The following EHBP1 variants were observed in gnomAD, a reference collection of about 807,000 sequenced individuals.
The protein encoded by EHBP1 is EH domain binding protein 1.
Under a neutral mutation model 144.0 loss-of-function variants are expected in EHBP1, and 55 were observed. The observed-to-expected ratio is 0.38, with a 90% CI of 0.31 to 0.48. The LOEUF is 0.48. Ranked by LOEUF, EHBP1 falls within the 20% of genes least tolerant of loss-of-function variation. The pLI, the probability that EHBP1 is intolerant of heterozygous loss-of-function variation, is 0.98. For synonymous variants in EHBP1, 469 were observed against 472.7 expected, an observed-to-expected ratio of 0.99 and a Z score of 0.10; for missense variants, 1,200 against 1,364.2, an observed-to-expected ratio of 0.88 and a Z score of 1.90.
intron 9 of EHBP1, among the ~76,000 whole-genome samples, chr2:62,868,364 A>T (rs1422822745): frequency 1.3e-5 from 2 of 152,020 alleles, no homozygotes; most frequent in Non-Finnish European, 2.9e-5. Flanking sequence ...GGGCAACAAC[A>T]GCAAAACTCC....
chr2:62,853,525 T>A (rs1217553629), intron 7 of EHBP1, among the ~76,000 whole-genome samples: 1 of 152,192 alleles, frequency 6.6e-6, no homozygotes, highest in African/African-American at 2.4e-5. Flanking sequence ...ACCATGAAGA[T>A]CAGAATCAGC....
rs151110223 is a variant in EHBP1 at position 62,998,245 on chromosome 2, A to C, written c.3103+1479A>C. Among the ~76,000 whole-genome samples, 290 of 152,248 alleles carry C rather than the reference A, an allele frequency of 1.9e-3. 3 individuals are homozygous for C. The highest frequency in any genetic ancestry group is 1.6e-3 in the Non-Finnish European group (109 of 68,030). The stretch of plus-strand genomic sequence containing the variant: ...ATCATTCCCCTAATAAGTTGCATGC[A>C]TGCTCAGTCTTATACCTATATACTT... On this transcript the variant is annotated intron_variant, in intron 19 of 22. Coordinates refer to ENST00000431489, the MANE Select transcript of EHBP1 (RefSeq NM_001142616.3).
At position 63,022,495 on chromosome 2, in the gene EHBP1, A is replaced by G. The variant is rs2060797406; in HGVS notation, c.3104-15040A>G. On this transcript the variant is annotated intron_variant, in intron 19 of 22. Transcript: ENST00000431489. ...ACACTCAGGTTATTTTTGTATTTTTAGTAGAGATGGGGTTTCACCATGTTG... is the reference window on the plus strand; with the variant it reads ...ACACTCAGGTTATTTTTGTATTTTTGGTAGAGATGGGGTTTCACCATGTTG... Among the ~76,000 whole-genome samples the G allele has an allele frequency of 2.6e-5, 4 of 151,816 alleles. No homozygotes were observed. The South Asian group carries it at 8.3e-4, about 32-fold the overall frequency.
At chr2:62,882,686 C>T (rs760426246) in intron 10 of EHBP1, among the ~76,000 whole-genome samples, 2 of 152,134 alleles carry the variant, frequency 1.3e-5, no homozygotes, top group Non-Finnish European at 2.9e-5. Context: ...AGTTTGAGAC[C>T]AGCCTGACCA....
At chr2:62,685,404 C>A (rs913938638) in intron 1 of EHBP1, among the ~76,000 whole-genome samples, 2 of 151,860 alleles carry the variant, frequency 1.3e-5, no homozygotes, top group Admixed American at 1.3e-4. Flanking sequence ...TGTTTCATGC[C>A]CCTCCCCCAG....
At chr2:62,995,987 C>T (rs546962912) in intron 18 of EHBP1, among the ~76,000 whole-genome samples, 1 of 151,992 alleles carries the variant, frequency 6.6e-6, no homozygotes, top group African/African-American at 2.4e-5. Context: ...AGGTTTGAAA[C>T]CACCTGTCAG....
intron 3 of EHBP1, among the ~76,000 whole-genome samples, chr2:62,754,006 A>G (rs1291224180): frequency 6.6e-6 from 1 of 152,148 alleles, no homozygotes; most frequent in East Asian, 1.9e-4. Context: ...CAATGTCATG[A>G]TCCGTCCAGG....
chr2:62,903,482 G>T (rs532495743), intron 10 of EHBP1, among the ~76,000 whole-genome samples: 2 of 152,132 alleles, frequency 1.3e-5, no homozygotes, highest in Non-Finnish European at 2.9e-5. Flanking sequence ...ACTGAGTCAG[G>T]CCAGGTGCAG....
At chr2:62,802,136 C>G (rs904332358) in intron 5 of EHBP1, among the ~76,000 whole-genome samples, 4 of 152,216 alleles carry the variant, frequency 2.6e-5, no homozygotes, top group African/African-American at 4.8e-5. Flanking sequence ...GGATCAGGTG[C>G]AACGAATTCT....
At chr2:62,806,686 ACTTT>A (rs1643480281) in intron 5 of EHBP1, among the ~76,000 whole-genome samples, 1 of 151,308 alleles carries the variant, frequency 6.6e-6, no homozygotes, top group African/African-American at 2.4e-5. Flanking sequence ...CTATGATTCC[ACTTT>A]CTTTCTTTTC....
At chr2:62,872,049 A>G (rs2050532983) in intron 9 of EHBP1, 1 of 152,148 alleles carries the variant, frequency 6.6e-6, no homozygotes, top group Non-Finnish European at 1.5e-5. Flanking sequence ...CTACATGCCC[A>G]TTTTAATAAC....
At chr2:62,818,404 A>G (rs1043508567) in intron 5 of EHBP1, among the ~76,000 whole-genome samples, 2 of 152,034 alleles carry the variant, frequency 1.3e-5, no homozygotes, top group African/African-American at 4.8e-5. Context: ...AGGATTGCCT[A>G]AAGTATTCAG....
At chr2:62,702,062 G>T (rs1055293063), upstream of EHBP1, among the ~76,000 whole-genome samples, 1 of 152,254 alleles carries the variant, frequency 6.6e-6, no homozygotes, top group Admixed American at 6.5e-5. Context: ...CAAGCCTATG[G>T]TTGCATTTCA....
intron 10 of EHBP1, among the ~76,000 whole-genome samples, chr2:62,879,845 GAAA>G (rs576927939): frequency 2.7e-5 from 4 of 146,524 alleles, no homozygotes; most frequent in African/African-American, 1.0e-4. Flanking sequence ...CACAAAATTA[GAAA>G]AAAAAAACTA....
intron 14 of EHBP1, among the ~76,000 whole-genome samples, chr2:62,963,259 G>A (rs1475969564): frequency 1.3e-5 from 2 of 152,110 alleles, no homozygotes; most frequent in East Asian, 3.8e-4. Context: ...TTGCCATGAA[G>A]GGTGAGACAT....
At position 62,831,144 on chromosome 2, in the gene EHBP1, C is replaced by A. The variant is rs765747565; in HGVS notation, c.620C>A (p.Ala207Glu). 21 of 1,594,576 alleles carry A rather than the reference C, an allele frequency of 1.3e-5. No homozygotes were observed. The highest frequency in any genetic ancestry group is 2.3e-5 in the East Asian group (1 of 43,546). Reference sequence around the variant, plus strand: ...AACAGAGTGAACCAAGAAGAAAAGGCAGCTAAAATTACAGGTTGGTTTTAT... The same window carrying A: ...AACAGAGTGAACCAAGAAGAAAAGGAAGCTAAAATTACAGGTTGGTTTTAT... ...DENRVNQEEK[A>E]AKITELINKL... The change falls in exon 7 of 23, where the codon GCA (alanine) becomes GAA (glutamate). Residue 207 changes from alanine to glutamate, a missense_variant. Ala to Glu is a moderately radical substitution (Grantham distance 107, BLOSUM62 -1). Around this residue, in one of 6 missense-constraint regions of EHBP1, gnomAD observed 266 missense variants for 262.4 expected, o/e 1.01. Coordinates refer to ENST00000431489, the MANE Select transcript of EHBP1 (RefSeq NM_001142616.3).
chr2:62,827,336 T>TA (rs932085314), intron 6 of EHBP1, among the ~76,000 whole-genome samples: 2 of 152,058 alleles, frequency 1.3e-5, no homozygotes, highest in African/African-American at 4.8e-5. Flanking sequence ...AAATACTGAG[T>TA]AATTAAAAAT....
chr2:62,723,464 G>T (rs2036435432), intron 2 of EHBP1, among the ~76,000 whole-genome samples: 1 of 151,740 alleles, frequency 6.6e-6, no homozygotes, highest in South Asian at 2.1e-4. Flanking sequence ...TTTAATTGGG[G>T]TGTTTAGCCC....
Position 62,831,119 on chromosome 2 carries a change from A to C in EHBP1, c.595A>C (p.Asn199His). Reference protein sequence around the residue: ...FEEDNEDDDENRVNQEEKAAK... With the variant: ...FEEDNEDDDEHRVNQEEKAAK... The stretch of plus-strand genomic sequence containing the variant: ...AGAAGATAATGAAGATGATGATGAG[A>C]ACAGAGTGAACCAAGAAGAAAAGGC... Residue 199 changes from asparagine to histidine, a missense_variant, in exon 7 of 23, where the codon AAC becomes CAC. Around this residue, in one of 6 missense-constraint regions of EHBP1, gnomAD observed 266 missense variants for 262.4 expected, o/e 1.01. Transcript: ENST00000431489. 2 of 1,606,030 alleles carry C rather than the reference A, an allele frequency of 1.2e-6. No homozygotes were observed. Among genetic ancestry groups the C allele is most frequent in the Non-Finnish European group, 1.7e-6 (2 of 1,177,898 alleles).
Sources: allele counts gnomAD v4.1 joint callset (sites outside exome capture counted in the v4.1 genomes callset), GRCh38; gene constraint gnomAD v4.1.1; regional missense constraint gnomAD v4.1.1; transcripts MANE v1.5; gene names NCBI Gene and HGNC (gene_info 2026-07-23, HGNC 2026-07-21).